ATP8B3: variants seen among roughly 807,000 people sequenced by gnomAD.
The protein encoded by ATP8B3 is phospholipid-transporting ATPase IK.
Under a neutral mutation model 140.9 loss-of-function variants are expected in ATP8B3, and 141 were observed. The ratio of observed to expected loss-of-function variants is 1.00; its 90% CI spans 0.87 to 1.15. The LOEUF is 1.15. Among genes scored for constraint, ATP8B3 ranks in the 50% most tolerant of loss-of-function variants. The pLI, the probability that ATP8B3 is intolerant of heterozygous loss-of-function variation, is 0.00. For synonymous variants in ATP8B3, 765 were observed against 714.6 expected (o/e 1.07, Z -1.13); for missense variants, 1,874 against 1,740.6 (o/e 1.08, Z -1.36).
At position 1,801,938 on chromosome 19, in the gene ATP8B3, C is replaced by A; in HGVS notation, c.1152+18G>T. On this transcript the variant is annotated intron_variant, in intron 12 of 28. Coordinates refer to ENST00000310127, the MANE Select transcript of ATP8B3 (RefSeq NM_138813.4). Reference sequence around the variant, plus strand: ...CTCCTCTGTGTTCCTGGGGCAGGGGCACTTGTTGGCAGCTCACCACAACCA... The same window carrying A: ...CTCCTCTGTGTTCCTGGGGCAGGGGAACTTGTTGGCAGCTCACCACAACCA... 1 of 1,594,156 alleles carries A rather than the reference C, an allele frequency of 6.3e-7. No individual in the cohort carries two copies. Among genetic ancestry groups the A allele is most frequent in the Non-Finnish European group, 8.6e-7 (1 of 1,163,078 alleles).
chr19:1,791,389 A>T (rs1217283843), intron 20 of ATP8B3, among the ~76,000 whole-genome samples: 8 of 135,356 alleles, frequency 5.9e-5, no homozygotes, highest in Non-Finnish European at 1.6e-5. Context: ...GAGTTGCAGC[A>T]TTTTTTTTTT....
Position 1,796,758 on chromosome 19 carries a change from G to T in ATP8B3, c.1706C>A (p.Ala569Asp), listed in dbSNP as rs368477941. 1 of 1,612,236 alleles carries T rather than the reference G, an allele frequency of 6.2e-7. No homozygotes were observed. The highest frequency in any genetic ancestry group is 8.5e-7 in the Non-Finnish European group (1 of 1,179,626). ...EAVREFWRLLAICHTVMVRES... is the reference protein window; with the variant it reads ...EAVREFWRLLDICHTVMVRES... ...CCGCACCATCACCGTGTGGCAGATG[G>T]CCAGCAGGCGCCAGAACTCCCGCAC... Residue 569 changes from alanine (A) to aspartate (D), a missense_variant, in exon 16 of 29, where the codon GCC becomes GAC. Ala to Asp is a moderately radical substitution (Grantham distance 126). Transcript: ENST00000310127.
At chr19:1,804,808 A>G (rs991229999) in intron 10 of ATP8B3, among the ~76,000 whole-genome samples, 1 of 152,198 alleles carries the variant, frequency 6.6e-6, no homozygotes, top group East Asian at 1.9e-4. Context: ...CTCCGTCTCA[A>G]AAAAAGAAAA....
chr19:1,792,418 C>T (rs543003060), intron 18 of ATP8B3, among the ~76,000 whole-genome samples: 3 of 150,100 alleles, frequency 2.0e-5, no homozygotes, highest in Admixed American at 2.0e-4. Context: ...TGTCTCTACC[C>T]AAAATACAAA....
At chr19:1,808,561 G>A (rs7259803) in intron 4 of ATP8B3, among the ~76,000 whole-genome samples, 24 of 145,334 alleles carry the variant, frequency 1.7e-4, no homozygotes, top group African/African-American at 6.3e-4. Context: ...AAGGCCTCAG[G>A]CCAGCATTTA....
chr19:1,810,558 C>A, intron 3 of ATP8B3, 64 bp downstream of exon 3: 1 of 1,518,978 alleles, frequency 6.6e-7, no homozygotes, highest in Non-Finnish European at 8.9e-7. Context: ...GCCACCACGC[C>A]TGGCCAGCCC....
Position 1,800,141 on chromosome 19 carries a change from T to TA in ATP8B3, c.1357dup (p.Tyr453LeufsTer76). On this transcript the variant is annotated frameshift_variant, in exon 14 of 29. Transcript: ENST00000310127. LOFTEE classifies it high-confidence loss of function. The surrounding 1 kb of genome is among the most constrained non-coding windows in gnomAD (Gnocchi z 4.4). ...GTCGATGAAGACGCTGTTCCCCAGGTAGATGAACTCGGACCTGCAGAGGCA... is the reference window on the plus strand; with the variant it reads ...GTCGATGAAGACGCTGTTCCCCAGGTAAGATGAACTCGGACCTGCAGAGGCA... 1 of 1,558,130 alleles carries TA rather than the reference T, an allele frequency of 6.4e-7. No homozygotes were observed. The highest frequency in any genetic ancestry group is 8.7e-7 in the Non-Finnish European group (1 of 1,150,714).
intron 14 of ATP8B3, among the ~76,000 whole-genome samples, chr19:1,797,775 C>T (rs1049401077): frequency 6.6e-6 from 1 of 151,662 alleles, no homozygotes; most frequent in Non-Finnish European, 1.5e-5. Context: ...GCTGGGATTA[C>T]AGGCGTAGCC....
At position 1,808,220 on chromosome 19, in the gene ATP8B3, A is replaced by T; in HGVS notation, c.516+2T>A. ...CTTCCTGGAGGAGGCAACACGCCTC[A>T]CCTGCAGGATGATGATGATGAGGAA... On this transcript the variant is annotated splice_donor_variant, in intron 5 of 28. Coordinates refer to ENST00000310127, the MANE Select transcript of ATP8B3 (RefSeq NM_138813.4). LOFTEE classifies it high-confidence loss of function. 14 of 1,605,738 alleles carry T rather than the reference A, an allele frequency of 8.7e-6. No homozygotes were observed. The highest frequency in any genetic ancestry group is 1.2e-5 in the Non-Finnish European group (14 of 1,173,880).
In ATP8B3 at chr19:1,789,732, C is replaced by A. The variant is rs768159692; in HGVS notation, c.2479-5G>T. On this transcript the variant is annotated splice_region_variant and splice_polypyrimidine_tract_variant and intron_variant, in intron 22 of 28. Transcript: ENST00000310127. ...CAGGGACACCAGCAGTTTGTCCTGGCCGGCGGGGAGGGGGCTGTGCCAGGC... is the reference window on the plus strand; with the variant it reads ...CAGGGACACCAGCAGTTTGTCCTGGACGGCGGGGAGGGGGCTGTGCCAGGC... 2 of 1,554,848 alleles carry A rather than the reference C, an allele frequency of 1.3e-6. No homozygotes were observed. Among genetic ancestry groups the A allele is most frequent in the Admixed American group, 1.8e-5 (1 of 55,166 alleles).
Position 1,805,445 on chromosome 19 carries a change from A to G in ATP8B3, c.833T>C (p.Leu278Ser), listed in dbSNP as rs1460819351. Residue 278 changes from leucine to serine, a missense_variant, in exon 10 of 29, where the codon TTG becomes TCG. Coordinates refer to ENST00000310127, the MANE Select transcript of ATP8B3 (RefSeq NM_138813.4). This position sits in a 1 kb window ranked among gnomAD's most constrained non-coding sequence, Gnocchi z 5.2. ...GACCATCAGGGCCTGTCTGAACTTC[A>G]AGTTGGTCTCCCTGGTGACGAGGAG... Reference protein sequence around the residue: ...ETVDIDGETNLKFRQALMVTH... With the variant: ...ETVDIDGETNSKFRQALMVTH... 1 of 1,563,064 alleles carries G rather than the reference A, an allele frequency of 6.4e-7. No individual in the cohort carries two copies. The highest frequency in any genetic ancestry group is 1.2e-5 in the South Asian group (1 of 85,034).
chr19:1,805,972 G>C lies in ATP8B3; in HGVS notation c.751-14C>G. 1 of 1,611,642 alleles carries C rather than the reference G, an allele frequency of 6.2e-7. No individual in the cohort carries two copies. Among genetic ancestry groups the C allele is most frequent in the Non-Finnish European group, 8.5e-7 (1 of 1,179,046 alleles). The stretch of plus-strand genomic sequence containing the variant: ...GAGCATGTCGGCCTGGTGTGGAGTG[G>C]GGGGCAGCGTTGCAAGAGGGGATGC... On this transcript the variant is annotated splice_polypyrimidine_tract_variant and intron_variant, in intron 8 of 28. Transcript: ENST00000310127. This position sits in a 1 kb window ranked among gnomAD's most constrained non-coding sequence, Gnocchi z 5.2.
At chr19:1,790,895 G>T in intron 20 of ATP8B3, 63 bp from the exon 21 acceptor site, 3 of 1,216,140 alleles carry the variant, frequency 2.5e-6, no homozygotes, top group Non-Finnish European at 3.3e-6. Context: ...TGGGGGCCAC[G>T]CCCACTCTGC....
chr19:1,785,551 G>T lies in ATP8B3; in HGVS notation c.3311C>A (p.Thr1104Lys). The T allele has an allele frequency of 6.2e-7, 1 of 1,612,970 alleles. No individual in the cohort carries two copies. Among genetic ancestry groups the T allele is most frequent in the Non-Finnish European group, 8.5e-7 (1 of 1,179,896 alleles). Reference sequence around the variant, plus strand: ...GTCGCTGAAGCTGGCGGGTCCCGCCGTGTCGCGGCTGATCCACAGTGTCAT... The same window carrying T: ...GTCGCTGAAGCTGGCGGGTCCCGCCTTGTCGCGGCTGATCCACAGTGTCAT... ...FFMTLWISRDTAGPASFSDHQ... is the reference protein window; with the variant it reads ...FFMTLWISRDKAGPASFSDHQ... Residue 1104 changes from threonine (T) to lysine (K), a missense_variant, in exon 26 of 29, where the codon ACG (threonine) becomes AAG (lysine). Physicochemically the swap from Thr to Lys is moderately conservative, Grantham distance 78. This residue lies in a region of ATP8B3 where 840 missense variants were observed against 760.9 expected (regional missense o/e 1.10). Transcript: ENST00000310127.
chr19:1,799,872 G>A (rs1407307877), intron 14 of ATP8B3, 75 bp downstream of exon 14: 1 of 1,399,444 alleles, frequency 7.1e-7, no homozygotes, highest in East Asian at 2.5e-5. Context: ...GGCCAGACGT[G>A]GCTCTGGTTC....
chr19:1,810,071 G>A (rs1195914526), intron 3 of ATP8B3, among the ~76,000 whole-genome samples: 1 of 152,208 alleles, frequency 6.6e-6, no homozygotes, highest in Non-Finnish European at 1.5e-5. Flanking sequence ...TGGGCTCTTG[G>A]GTGTCCAAGG....
At chr19:1,788,766 GC>G in intron 24 of ATP8B3, 130 bp downstream of exon 24, 4 of 861,148 alleles carry the variant, frequency 4.6e-6, no homozygotes, top group Non-Finnish European at 7.1e-6. Flanking sequence ...TTGCCATGTG[GC>G]CTCAGGCAAG....
chr19:1,805,512 C>A lies in ATP8B3; in HGVS notation c.822-56G>T. 1 of 1,381,320 alleles carries A rather than the reference C, an allele frequency of 7.2e-7. No individual in the cohort carries two copies. The highest frequency in any genetic ancestry group is 1.2e-5 in the South Asian group (1 of 80,758). 85.6% of individuals were successfully genotyped at this position (1,381,320 alleles called of 1,614,324 possible). ...TGGAGTTGATGGATGCTTCGAGGAG[C>A]CCCCAGACCCCTTCTGGAGTCACTC... On this transcript the variant is annotated intron_variant, in intron 9 of 28. Transcript: ENST00000310127. The surrounding 1 kb of genome is among the most constrained non-coding windows in gnomAD (Gnocchi z 5.2).
At position 1,796,748 on chromosome 19, in the gene ATP8B3, G is replaced by A; in HGVS notation, c.1716C>T (p.His572=). The change falls in exon 16 of 29, where the codon CAC becomes CAT. Residue 572 remains histidine, a synonymous_variant. Coordinates refer to ENST00000310127, the MANE Select transcript of ATP8B3 (RefSeq NM_138813.4). ...GGGGGCTCTCCCGCACCATCACCGT[G>A]TGGCAGATGGCCAGCAGGCGCCAGA... ...REFWRLLAIC[H]TVMVRESPRE... is the part of the protein sequence containing the mutation. 1 of 1,612,116 alleles carries A rather than the reference G, an allele frequency of 6.2e-7. No homozygotes were observed. Among genetic ancestry groups the A allele is most frequent in the Non-Finnish European group, 8.5e-7 (1 of 1,179,600 alleles).
Sources: gnomAD v4.1 joint callset for allele counts (sites outside exome capture counted in the v4.1 genomes callset) on GRCh38, gnomAD v4.1.1 for gene constraint, gnomAD v4.1.1 regional missense constraint, Gnocchi (gnomAD v3.1) non-coding constraint, MANE v1.5 for transcripts, NCBI Gene and HGNC (gene_info 2026-07-23, HGNC 2026-07-21) for gene names.